TTC21A: variants seen among roughly 807,000 people sequenced by gnomAD.
The protein encoded by TTC21A is tetratricopeptide repeat domain 21A.
TTC21A carries 128 observed loss-of-function variants against 156.4 expected under a neutral mutation model. That is an observed-to-expected ratio of 0.82 (90% CI 0.71 to 0.95). TTC21A has a LOEUF of 0.95. Ranked by LOEUF, TTC21A falls within the 40% of genes least tolerant of loss-of-function variation. The pLI is 0.00. For missense variants in TTC21A, 1,435 were observed against 1,602.3 expected (o/e 0.90, Z 1.78); for synonymous variants, 587 against 617.1 (o/e 0.95, Z 0.72).
chr3:39,113,983 T>C (rs1457250437), intron 5 of TTC21A, among the ~76,000 whole-genome samples: 1 of 152,244 alleles, frequency 6.6e-6, no homozygotes, highest in Non-Finnish European at 1.5e-5. Context: ...TCAAGTCTTT[T>C]AGAAGCATTG....
rs2038870337 is a variant in TTC21A, at chr3:39,133,243, G to A, written c.2751+3G>A. On this transcript the variant is annotated splice_donor_region_variant and intron_variant, in intron 20 of 28. Transcript: ENST00000683103. ...CCTACTTGCCAACTGACAATAAGGT[G>A]AGTGGCCCTCAAAGCAAGAGGCTGC... The A allele has an allele frequency of 6.2e-7, 1 of 1,610,882 alleles. No homozygotes were observed. Among genetic ancestry groups the A allele is most frequent in the Non-Finnish European group, 8.5e-7 (1 of 1,177,856 alleles).
At position 39,133,245 on chromosome 3, in the gene TTC21A, G is replaced by T. The variant is rs1284542746; in HGVS notation, c.2751+5G>T. The T allele has an allele frequency of 6.2e-7, 1 of 1,611,042 alleles. No individual in the cohort carries two copies. The highest frequency in any genetic ancestry group is 8.5e-7 in the Non-Finnish European group (1 of 1,177,824). On this transcript the variant is annotated splice_donor_5th_base_variant and intron_variant, in intron 20 of 28. Transcript: ENST00000683103. Reference sequence around the variant, plus strand: ...TACTTGCCAACTGACAATAAGGTGAGTGGCCCTCAAAGCAAGAGGCTGCTT... The same window carrying T: ...TACTTGCCAACTGACAATAAGGTGATTGGCCCTCAAAGCAAGAGGCTGCTT...
chr3:39,138,541 C>T lies in TTC21A; in HGVS notation c.3797-15C>T. 6.2e-7 allele frequency: 1 copy of T among 1,614,186 alleles called. No individual in the cohort carries two copies. The highest frequency in any genetic ancestry group is 2.2e-5 in the East Asian group (1 of 44,882). ...ACCAGGGTGCCACCATCTTTGCTCT[C>T]CATGTCCCCGGTAGGCTTCAAACTT... On this transcript the variant is annotated splice_polypyrimidine_tract_variant and intron_variant, in intron 27 of 28. Transcript: ENST00000683103.
chr3:39,136,222 GAC>G (rs2039103716), intron 22 of TTC21A, 133 bp from the exon 23 acceptor site: 1 of 807,668 alleles, frequency 1.2e-6, no homozygotes, highest in African/African-American at 1.7e-5. Flanking sequence ...GACCAGTGGA[GAC>G]TCTGGAGCTG....
Position 39,133,054 on chromosome 3 carries a change from C to T in TTC21A, c.2565C>T (p.Ala855=). The T allele has an allele frequency of 6.2e-7, 1 of 1,614,164 alleles. No individual in the cohort carries two copies. Among genetic ancestry groups the T allele is most frequent in the Admixed American group, 1.7e-5 (1 of 60,022 alleles). The change falls in exon 20 of 29, where the codon GCC becomes GCT. Residue 855 remains alanine, a splice_region_variant and synonymous_variant. Coordinates refer to ENST00000683103, the MANE Select transcript of TTC21A (RefSeq NM_001366900.1). ...CCTGGCTTGATTGGTTTCTCGAGGC[C>T]TTGGACCTCCAGTCTCGGATACTGA... ...KEAVIETLNK[A]LDLQSRILKR... is the part of the protein sequence containing the mutation.
chr3:39,124,287 CATT>C (rs2038024946), intron 9 of TTC21A, among the ~76,000 whole-genome samples: 1 of 152,106 alleles, frequency 6.6e-6, no homozygotes, highest in African/African-American at 2.4e-5. Context: ...CACAGTAAAA[CATT>C]GTGTTGTCAT....
Position 39,134,183 on chromosome 3 carries a change from T to C in TTC21A, c.2752-35T>C. The C allele has an allele frequency of 1.4e-6, 2 of 1,392,732 alleles. No homozygotes were observed. 86.3% of individuals were successfully genotyped at this position (1,392,732 alleles called of 1,614,324 possible). On this transcript the variant is annotated intron_variant, in intron 20 of 28. Coordinates refer to ENST00000683103, the MANE Select transcript of TTC21A (RefSeq NM_001366900.1). The surrounding 1 kb of genome is among the most constrained non-coding windows in gnomAD (Gnocchi z 4.6). ...AACCCCAGGGGTTTCCCATGGTGTT[T>C]ACTAGTTAGTTTATTATATCCGGCC...
In TTC21A at chr3:39,130,781, G is replaced by A. The variant is rs765499459; in HGVS notation, c.2400G>A (p.Lys800=). The A allele has an allele frequency of 6.2e-7, 1 of 1,614,234 alleles. No homozygotes were observed. The highest frequency in any genetic ancestry group is 2.2e-5 in the East Asian group (1 of 44,888). The change falls in exon 18 of 29, where the codon AAG becomes AAA. Residue 800 remains lysine (K), a synonymous_variant. Transcript: ENST00000683103. The surrounding 1 kb of genome is among the most constrained non-coding windows in gnomAD (Gnocchi z 4.5). Reference sequence around the variant, plus strand: ...GCGATCTGGGCAAACTGCTCCTGAAGTTAAAGAAGGTCAATAAAGCAGAAA... The same window carrying A: ...GCGATCTGGGCAAACTGCTCCTGAAATTAAAGAAGGTCAATAAAGCAGAAA... ...LCCDLGKLLL[K]LKKVNKAEKV...
Position 39,121,060 on chromosome 3 carries a change from AC to A in TTC21A, c.969del (p.Ser324ArgfsTer15). On this transcript the variant is annotated frameshift_variant, in exon 9 of 29. Coordinates refer to ENST00000683103, the MANE Select transcript of TTC21A (RefSeq NM_001366900.1). LOFTEE classifies it high-confidence loss of function. ...CSFIERTFMATPSYVHVATEL... is the reference protein window; with the variant it reads ...CSFIERTFMAXPSYVHVATEL... The stretch of plus-strand genomic sequence containing the variant: ...TTTCATCGAGCGCACCTTCATGGCC[AC>A]CCCCTCGTATGTCCATGTGGCCACA... The A allele has an allele frequency of 6.2e-7, 1 of 1,613,404 alleles. No individual in the cohort carries two copies. The highest frequency in any genetic ancestry group is 8.5e-7 in the Non-Finnish European group (1 of 1,179,788).
chr3:39,118,932 AG>A (rs2037511973), intron 7 of TTC21A: 1 of 152,104 alleles, frequency 6.6e-6, no homozygotes, highest in Non-Finnish European at 1.5e-5. Context: ...GGATGGGGTG[AG>A]GTAGAGGGGA....
chr3:39,134,390 C>T lies in TTC21A; in HGVS notation c.2862+62C>T, dbSNP rs1311688137. On this transcript the variant is annotated intron_variant, in intron 21 of 28. Coordinates refer to ENST00000683103, the MANE Select transcript of TTC21A (RefSeq NM_001366900.1). The surrounding 1 kb of genome is among the most constrained non-coding windows in gnomAD (Gnocchi z 4.6). ...TCCTCCCTTCCCAGGGTCCCTGTGA[C>T]CAGATGCAGGCTACTTCCTAGCCCC... 1.7e-6 allele frequency: 2 copies of T among 1,178,744 alleles called. No individual in the cohort carries two copies. Among genetic ancestry groups the T allele is most frequent in the Non-Finnish European group, 2.6e-6 (2 of 782,726 alleles). 73.0% of individuals were successfully genotyped at this position (1,178,744 alleles called of 1,614,324 possible). A position where few individuals can be genotyped will look rare whatever the true frequency, so the allele number is the denominator to read the frequency against.
Position 39,124,437 on chromosome 3 carries a change from A to G in TTC21A, c.1094-626A>G, listed in dbSNP as rs546090439. Among the ~76,000 whole-genome samples the G allele has an allele frequency of 2.0e-5, 3 of 152,194 alleles. No homozygotes were observed. In the East Asian group the frequency reaches 5.8e-4, roughly 29 times the overall value. On this transcript the variant is annotated intron_variant, in intron 9 of 28. Coordinates refer to ENST00000683103, the MANE Select transcript of TTC21A (RefSeq NM_001366900.1). ...CACTTTGGGAGGCTAAGGTGAGTGG[A>G]TCACCTGAGGTCAGGAGTTAGAGAC... is the stretch of plus-strand genomic sequence containing the variant.
Position 39,126,334 on chromosome 3 carries a change from C to G in TTC21A, c.1466C>G (p.Ala489Gly). The G allele has an allele frequency of 2.5e-6, 4 of 1,614,110 alleles. No individual in the cohort carries two copies. Among genetic ancestry groups the G allele is most frequent in the Non-Finnish European group, 3.4e-6 (4 of 1,180,008 alleles). The change falls in exon 12 of 29, where the codon GCA (alanine) becomes GGA (glycine). Residue 489 changes from alanine (A) to glycine (G), a missense_variant. Physicochemically the swap from Ala to Gly is moderately conservative, Grantham distance 60. Coordinates refer to ENST00000683103, the MANE Select transcript of TTC21A (RefSeq NM_001366900.1). Reference sequence around the variant, plus strand: ...GTGATCTTGAATCCTGTAGTCAAAGCAGCACCAGCTCTGATCGACCCCCTG... The same window carrying G: ...GTGATCTTGAATCCTGTAGTCAAAGGAGCACCAGCTCTGATCGACCCCCTG... ...VAVILNPVVK[A>G]APALIDPLYL... is the part of the protein sequence containing the mutation.
rs1461835285 is a variant in TTC21A at position 39,138,211 on chromosome 3, C to T, written c.3676-56C>T. The T allele has an allele frequency of 1.9e-6, 3 of 1,610,192 alleles. No homozygotes were observed. The East Asian group carries it at 6.7e-5, about 36-fold the overall frequency. The stretch of plus-strand genomic sequence containing the variant: ...TTCTGGTCCCAGTCCCACCCTGGCC[C>T]AGGGAACCAGTTGGGGCTTCCGCTC... On this transcript the variant is annotated intron_variant, in intron 26 of 28. Transcript: ENST00000683103.
At chr3:39,107,969 T>C in intron 1 of TTC21A, 105 bp downstream of exon 1, 1 of 1,428,796 alleles carries the variant, frequency 7.0e-7, no homozygotes, top group Non-Finnish European at 9.7e-7. Flanking sequence ...TGTCCTCAGT[T>C]ATATCAGGCG....
chr3:39,119,814 A>G (rs2037605517), intron 7 of TTC21A, 108 bp from the exon 8 acceptor site: 1 of 754,228 alleles, frequency 1.3e-6, no homozygotes, highest in African/African-American at 1.8e-5. Flanking sequence ...GGGCATGGGC[A>G]TTTTTTAAAT....
chr3:39,126,963 A>C (rs1232971144), intron 12 of TTC21A, among the ~76,000 whole-genome samples: 1 of 152,156 alleles, frequency 6.6e-6, no homozygotes, highest in African/African-American at 2.4e-5. Context: ...CTATGGAAGA[A>C]GCTGAAACAG....
intron 12 of TTC21A, among the ~76,000 whole-genome samples, chr3:39,127,381 T>C (rs7646009): frequency 0.014 from 2,085 of 152,234 alleles, 49 homozygotes; most frequent in African/African-American, 0.047. Flanking sequence ...CTATGTTCAT[T>C]TGGGTGCCAG....
intron 7 of TTC21A, chr3:39,118,518 G>A (rs553711787): frequency 3.6e-6 from 1 of 281,156 alleles, no homozygotes; most frequent in South Asian, 8.0e-5. Context: ...AACAGTCCCT[G>A]GCACACTACA....
Sources: allele counts gnomAD v4.1 joint callset (sites outside exome capture counted in the v4.1 genomes callset), GRCh38; gene constraint gnomAD v4.1.1; non-coding constraint Gnocchi (gnomAD v3.1); transcripts MANE v1.5; gene names NCBI Gene and HGNC (gene_info 2026-07-23, HGNC 2026-07-21).